Variants in PRKX observed in about 807,000 individuals in gnomAD.
PRKX encodes protein kinase cAMP-dependent X-linked catalytic subunit.
In PRKX, 12 loss-of-function variants were observed where a neutral mutation model predicts 22.0. The ratio of observed to expected loss-of-function variants is 0.54; its 90% CI spans 0.35 to 0.88. The LOEUF is 0.88. PRKX is among the 40% of genes least tolerant of loss of function. The pLI is 0.01. For synonymous variants in PRKX, 134 were observed against 137.7 expected, an observed-to-expected ratio of 0.97 and a Z score of 0.19; for missense variants, 217 against 308.0, an observed-to-expected ratio of 0.70 and a Z score of 2.21.
intron 1 of PRKX, among the ~76,000 whole-genome samples, chrX:3,702,523 T>C (rs1928598241): frequency 1.9e-5 from 2 of 105,389 alleles, no homozygotes; most frequent in Non-Finnish European, 3.9e-5. Context: ...GCTAAGTAAA[T>C]GGTAGCGTGG....
intron 1 of PRKX, among the ~76,000 whole-genome samples, chrX:3,707,550 G>A (rs1394205924): frequency 2.7e-5 from 3 of 110,901 alleles, no homozygotes; most frequent in Non-Finnish European, 5.7e-5. Context: ...GAGCCCAGGG[G>A]TTCAAGTCTA....
intron 2 of PRKX, among the ~76,000 whole-genome samples, chrX:3,661,852 CT>C (rs1162227046): frequency 9.0e-6 from 1 of 111,559 alleles, no homozygotes; most frequent in African/African-American, 3.3e-5. Context: ...GACTCTGCCC[CT>C]GACATCAAGT....
At chrX:3,671,615 C>T (rs1197458959) in intron 2 of PRKX, among the ~76,000 whole-genome samples, 6 of 111,653 alleles carry the variant, frequency 5.4e-5, no homozygotes, top group Admixed American at 9.6e-5. Context: ...GTGAGCTGTA[C>T]GGGCAAAGGA....
intron 2 of PRKX, among the ~76,000 whole-genome samples, chrX:3,658,625 C>T (rs1927529483): frequency 9.0e-6 from 1 of 110,743 alleles, no homozygotes; most frequent in Non-Finnish European, 1.9e-5. Flanking sequence ...AAGACACCAG[C>T]ATGCCCGTGT....
chrX:3,621,099 T>A, intron 6 of PRKX, among the ~76,000 whole-genome samples, 160 bp downstream of exon 6: 1 of 110,853 alleles, frequency 9.0e-6, no homozygotes, highest in South Asian at 3.9e-4. Context: ...CAGTTTCAAG[T>A]AAAATTTAAA....
intron 6 of PRKX, among the ~76,000 whole-genome samples, chrX:3,618,764 C>T (rs750044593): frequency 9.0e-6 from 1 of 111,652 alleles, no homozygotes; most frequent in African/African-American, 3.2e-5. Context: ...ACTTGTTCTT[C>T]CCCCTTGGAA....
At chrX:3,611,787 C>T (rs1372471305) in intron 8 of PRKX, among the ~76,000 whole-genome samples, 2 of 111,374 alleles carry the variant, frequency 1.8e-5, no homozygotes, top group Non-Finnish European at 3.8e-5. Context: ...CCAAAGGAGA[C>T]CTAAAGAGAC....
At chrX:3,686,106 T>G (rs1273780033) in intron 1 of PRKX, among the ~76,000 whole-genome samples, 1 of 111,662 alleles carries the variant, frequency 9.0e-6, no homozygotes, top group Middle Eastern at 4.2e-3. Context: ...TTTCTTCTTA[T>G]TCTGCGTGGC....
At chrX:3,674,077 G>A (rs1927899534) in intron 2 of PRKX, among the ~76,000 whole-genome samples, 1 of 111,200 alleles carries the variant, frequency 9.0e-6, no homozygotes, top group Non-Finnish European at 1.9e-5. Context: ...CAGCCTGAAT[G>A]GACTATCACA....
intron 1 of PRKX, among the ~76,000 whole-genome samples, chrX:3,689,726 C>T (rs1401747099): frequency 5.4e-5 from 6 of 111,310 alleles, no homozygotes; most frequent in African/African-American, 1.3e-4. Flanking sequence ...ACCTGTAATC[C>T]CAACACTTTG....
chrX:3,616,752 G>A (rs1453533686), intron 6 of PRKX, among the ~76,000 whole-genome samples: 1 of 112,021 alleles, frequency 8.9e-6, no homozygotes, highest in Non-Finnish European at 1.9e-5. Flanking sequence ...CCATCCAGTT[G>A]TTTTGACAAC....
Position 3,644,400 on chromosome X carries a change from C to CAAAAA in PRKX, c.600-2434_600-2430dup, listed in dbSNP as rs752467196. ...TGAGCAACAGAGCAAGACACTGTCT[C>CAAAAA]AAAAAAAAAAAAAAAAAAAAAAAAT... On this transcript the variant is annotated intron_variant, in intron 3 of 8. Transcript: ENST00000262848. Among the ~76,000 whole-genome samples, 53 of 37,085 alleles carry CAAAAA rather than the reference C, an allele frequency of 1.4e-3. 2 individuals carry two copies. Among genetic ancestry groups the CAAAAA allele is most frequent in the African/African-American group, 6.0e-3 (48 of 7,951 alleles). 32.2% of individuals were successfully genotyped at this position (37,085 alleles called of 115,157 possible).
intron 2 of PRKX, among the ~76,000 whole-genome samples, chrX:3,663,907 G>T (rs62583681): frequency 0.18 from 19,466 of 110,844 alleles, 1,403 homozygotes; most frequent in East Asian, 0.33. Context: ...GGGGTGGGCT[G>T]GCAGCAGCGC....
intron 1 of PRKX, among the ~76,000 whole-genome samples, chrX:3,696,084 G>A (rs1164662956): frequency 9.0e-6 from 1 of 110,894 alleles, no homozygotes; most frequent in Non-Finnish European, 1.9e-5. Context: ...GAGGTGTTGA[G>A]GTCATGAGGG....
chrX:3,617,088 A>T (rs768363143), intron 6 of PRKX, among the ~76,000 whole-genome samples: 36 of 110,805 alleles, frequency 3.2e-4, no homozygotes, highest in Middle Eastern at 4.9e-3. Flanking sequence ...ACACGTTAAT[A>T]TATACATACT....
At chrX:3,657,578 C>T (rs899597250) in intron 2 of PRKX, among the ~76,000 whole-genome samples, 1 of 112,492 alleles carries the variant, frequency 8.9e-6, no homozygotes, top group Non-Finnish European at 1.9e-5. Flanking sequence ...TAACCTACAA[C>T]ACACACATCT....
At chrX:3,701,581 A>C (rs1281678673) in intron 1 of PRKX, among the ~76,000 whole-genome samples, 1 of 112,499 alleles carries the variant, frequency 8.9e-6, no homozygotes, top group African/African-American at 3.2e-5. Context: ...TAGTTCTGTC[A>C]GCGGCATCTG....
intron 4 of PRKX, among the ~76,000 whole-genome samples, chrX:3,631,791 G>C (rs1302810347): frequency 8.9e-6 from 1 of 112,537 alleles, no homozygotes; most frequent in Non-Finnish European, 1.9e-5. Flanking sequence ...GGATGCTGGA[G>C]CCCCCAGGAA....
chrX:3,690,596 G>C (rs1473617653), intron 1 of PRKX, among the ~76,000 whole-genome samples: 1 of 111,614 alleles, frequency 9.0e-6, no homozygotes, highest in African/African-American at 3.3e-5. Context: ...GCCAGGCATG[G>C]TGGCATGCGA....
Sources: allele counts gnomAD v4.1 joint callset (sites outside exome capture counted in the v4.1 genomes callset), GRCh38; gene constraint gnomAD v4.1.1; transcripts MANE v1.5; gene names NCBI Gene and HGNC (gene_info 2026-07-23, HGNC 2026-07-21).